Variants in LINGO1 observed in about 807,000 individuals in gnomAD.
LINGO1 encodes the protein leucine-rich repeat and immunoglobulin-like domain-containing nogo receptor-interacting protein 1.
Under a neutral mutation model 37.3 loss-of-function variants are expected in LINGO1, and 11 were observed. The ratio of observed to expected loss-of-function variants is 0.29; its 90% CI spans 0.19 to 0.49. The LOEUF is 0.49. Ranked by LOEUF, LINGO1 falls within the 20% of genes least tolerant of loss-of-function variation. The pLI, the probability that LINGO1 is intolerant of heterozygous loss-of-function variation, is 0.99. For synonymous variants in LINGO1, 387 were observed against 403.0 expected, an observed-to-expected ratio of 0.96 and a Z score of 0.48; for missense variants, 585 against 878.2, an observed-to-expected ratio of 0.67 and a Z score of 4.22.
intron 1 of LINGO1, among the ~76,000 whole-genome samples, chr15:77,784,056 G>A (rs974339293): frequency 5.3e-5 from 8 of 152,272 alleles, no homozygotes; most frequent in African/African-American, 1.7e-4. Context: ...GAGCTGGGGA[G>A]GAGGCAGCTG....
intron 2 of LINGO1, among the ~76,000 whole-genome samples, chr15:77,724,764 C>T (rs1012455032): frequency 6.6e-6 from 1 of 152,224 alleles, no homozygotes; most frequent in African/African-American, 2.4e-5. Flanking sequence ...TCCCTACTAC[C>T]TCCCTTGGCC....
intron 2 of LINGO1, among the ~76,000 whole-genome samples, chr15:77,723,822 G>A (rs562023872): frequency 1.3e-5 from 2 of 152,364 alleles, no homozygotes; most frequent in East Asian, 3.9e-4. Context: ...AAGTGGCACA[G>A]GTGGGGGAGG....
intron 1 of LINGO1, among the ~76,000 whole-genome samples, chr15:77,737,869 C>T (rs1408126885): frequency 4.0e-5 from 6 of 151,778 alleles, no homozygotes; most frequent in African/African-American, 1.4e-4. Context: ...CCAGGACATC[C>T]TCTCCATCCC....
chr15:77,752,105 G>A (rs2076377879), intron 1 of LINGO1, among the ~76,000 whole-genome samples: 3 of 152,168 alleles, frequency 2.0e-5, no homozygotes, highest in South Asian at 2.1e-4. Context: ...AAGGCCTTTC[G>A]TTACCCCATG....
intron 2 of LINGO1, among the ~76,000 whole-genome samples, chr15:77,710,717 C>T (rs1387647003): frequency 6.6e-6 from 1 of 152,256 alleles, no homozygotes; most frequent in Non-Finnish European, 1.5e-5. Context: ...CTCACACAGC[C>T]CACCTGCGAG....
intron 1 of LINGO1, among the ~76,000 whole-genome samples, chr15:77,694,964 G>A (rs2075665206): frequency 6.6e-6 from 1 of 152,070 alleles, no homozygotes; most frequent in South Asian, 2.1e-4. Flanking sequence ...CCACCCACTG[G>A]CACTACATCA....
chr15:77,802,399 C>T (rs1211788765), intron 1 of LINGO1, among the ~76,000 whole-genome samples: 1 of 150,468 alleles, frequency 6.6e-6, no homozygotes, highest in Non-Finnish European at 1.5e-5. Flanking sequence ...ATGTCCTGTG[C>T]CCCCGGGTGT....
intron 2 of LINGO1, among the ~76,000 whole-genome samples, chr15:77,702,850 A>G (rs1403144995): frequency 6.6e-6 from 1 of 152,200 alleles, no homozygotes; most frequent in Non-Finnish European, 1.5e-5. Flanking sequence ...TACAGCACTG[A>G]GACTTCAACA....
Position 77,613,983 on chromosome 15 carries a change from G to T in LINGO1, c.*61C>A. The T allele has an allele frequency of 7.4e-7, 1 of 1,346,150 alleles. No individual in the cohort carries two copies. The highest frequency in any genetic ancestry group is 1.0e-6 in the Non-Finnish European group (1 of 984,858). The allele number at this position is 1,346,150 out of a possible 1,614,324, so 83.4% of individuals were successfully genotyped here. ...GTGGGAAGGACTGGAGAGTGAGCAG[G>T]TGGCGGCCAGGCCCCTTCCCCTGCC... On this transcript the variant is annotated 3_prime_UTR_variant, in exon 2 of 2. Transcript: ENST00000355300.
intron 2 of LINGO1, among the ~76,000 whole-genome samples, chr15:77,713,775 T>C (rs2075950382): frequency 6.6e-6 from 1 of 152,178 alleles, no homozygotes; most frequent in Non-Finnish European, 1.5e-5. Context: ...CGCAGCTGAC[T>C]GAGTTTGCCC....
intron 3 of LINGO1, among the ~76,000 whole-genome samples, chr15:77,662,007 A>G (rs1416275620): frequency 3.3e-5 from 5 of 152,206 alleles, no homozygotes; most frequent in African/African-American, 7.2e-5. Context: ...GGGAGCTTCC[A>G]TGACCTCTGG....
intron 3 of LINGO1, chr15:77,651,322 T>C (rs1305267543): frequency 2.0e-5 from 3 of 152,230 alleles, no homozygotes; most frequent in Admixed American, 2.0e-4. Context: ...ATCCTCTTTC[T>C]GAAAATTTGC....
Position 77,615,155 on chromosome 15 carries a change from T to G in LINGO1, c.752A>C (p.Tyr251Ser). 1 of 1,613,918 alleles carries G rather than the reference T, an allele frequency of 6.2e-7. No homozygotes were observed. The highest frequency in any genetic ancestry group is 8.5e-7 in the Non-Finnish European group (1 of 1,179,874). The change falls in exon 2 of 2, where the codon TAC (tyrosine) becomes TCC (serine). Residue 251 changes from tyrosine (Y) to serine (S), a missense_variant. Tyr to Ser is a moderately radical substitution (Grantham distance 144). Around this residue, in one of 4 missense-constraint regions of LINGO1, gnomAD observed 484 missense variants for 735.0 expected, o/e 0.66. Transcript: ENST00000355300. ...LKVLEISHWP[Y>S]LDTMTPNCLY... ...GCAGTTGGGTGTCATGGTGTCCAAG[T>G]AGGGCCAGTGGGAGATCTCCAAGAC... is the stretch of plus-strand genomic sequence containing the variant.
chr15:77,810,107 T>C (rs1331681632), intron 1 of LINGO1, among the ~76,000 whole-genome samples: 3 of 152,014 alleles, frequency 2.0e-5, no homozygotes, highest in South Asian at 2.1e-4. Flanking sequence ...GGGCTCACTA[T>C]GGACAGGAGA....
intron 1 of LINGO1, among the ~76,000 whole-genome samples, chr15:77,627,015 G>A (rs2074114126): frequency 7.2e-6 from 1 of 138,130 alleles, no homozygotes; most frequent in Non-Finnish European, 1.5e-5. Context: ...GTGCTGGCCA[G>A]GCCCCCACCC....
At chr15:77,808,320 G>A (rs970547467) in intron 1 of LINGO1, among the ~76,000 whole-genome samples, 45 of 152,140 alleles carry the variant, frequency 3.0e-4, no homozygotes, top group African/African-American at 9.9e-4. Context: ...CAGTTTCGCC[G>A]CAAGGCCTTT....
At chr15:77,682,456 G>A (rs1490245535) in intron 2 of LINGO1, among the ~76,000 whole-genome samples, 1 of 151,982 alleles carries the variant, frequency 6.6e-6, no homozygotes, top group Non-Finnish European at 1.5e-5. Flanking sequence ...CTATGTCCAT[G>A]TGTCCCTGCC....
chr15:77,732,979 C>T (rs901535524), intron 2 of LINGO1, among the ~76,000 whole-genome samples: 3 of 152,226 alleles, frequency 2.0e-5, no homozygotes, highest in Non-Finnish European at 4.4e-5. Flanking sequence ...TGGATTGGAG[C>T]CTGTCCCTTC....
chr15:77,730,546 C>T (rs2076144563), intron 2 of LINGO1, among the ~76,000 whole-genome samples: 2 of 152,230 alleles, frequency 1.3e-5, no homozygotes, highest in African/African-American at 2.4e-5. Flanking sequence ...GCCGGGCTGC[C>T]CCTGCCTCTC....
Sources: gnomAD v4.1 joint callset for allele counts (sites outside exome capture counted in the v4.1 genomes callset) on GRCh38, gnomAD v4.1.1 for gene constraint, gnomAD v4.1.1 regional missense constraint, MANE v1.5 for transcripts, NCBI Gene and HGNC (gene_info 2026-07-23, HGNC 2026-07-21) for gene names.